The following DNAL4 variants were observed in gnomAD, a reference collection of about 807,000 sequenced individuals.
DNAL4 encodes the protein dynein light chain, outer arm 4.
DNAL4 carries 10 observed loss-of-function variants against 12.6 expected under a neutral mutation model. That is an observed-to-expected ratio of 0.79 (90% CI 0.49 to 1.34). The LOEUF (loss-of-function observed/expected upper bound fraction) is 1.34. Among genes scored for constraint, DNAL4 ranks in the 40% most tolerant of loss-of-function variants. The probability of loss-of-function intolerance (pLI) is 0.00; values close to 1 mark genes in which losing one functional copy is unlikely to be tolerated. For synonymous variants in DNAL4, 46 were observed against 53.1 expected (o/e 0.87, Z 0.58); for missense variants, 128 against 138.1 (o/e 0.93, Z 0.37).
chr22:38,792,232 T>C (rs2093051780), intron 1 of DNAL4, among the ~76,000 whole-genome samples: 1 of 152,006 alleles, frequency 6.6e-6, no homozygotes. Context: ...TTTCTTTCTT[T>C]ATATCTTTAT....
intron 1 of DNAL4, among the ~76,000 whole-genome samples, chr22:38,783,426 T>C (rs532427350): frequency 6.8e-6 from 1 of 147,926 alleles, no homozygotes; most frequent in Non-Finnish European, 1.5e-5. Context: ...CCTTCCCTCC[T>C]GCTACACACA....
At position 38,780,988 on chromosome 22, in the gene DNAL4, T is replaced by C. The variant is rs755396304; in HGVS notation, c.91A>G (p.Met31Val). Residue 31 changes from methionine to valine, a missense_variant, in exon 3 of 4, where the codon ATG (methionine) becomes GTG (valine). By Grantham distance (21) the Met-to-Val change is conservative (BLOSUM62 1). Coordinates refer to ENST00000216068, the MANE Select transcript of DNAL4 (RefSeq NM_005740.3). ...CATAGCTCCATGGTCTCCACGCGCA[T>C]CTCCTCTGGCATGTCCGAGTGCTAG... ...LVRHSDMPEE[M>V]RVETMELCVT... The C allele has an allele frequency of 3.8e-5, 61 of 1,613,978 alleles. 1 individual carries two copies. In the East Asian group the frequency reaches 1.3e-3, roughly 35 times the overall value.
chr22:38,782,550 G>T lies in DNAL4; in HGVS notation c.69+113C>A. The stretch of plus-strand genomic sequence containing the variant: ...CAAGATGTCTAGGTCTGAGCCAGCA[G>T]AGCCCTTCTTAACTTCCTCCCACTG... On this transcript the variant is annotated intron_variant, in intron 2 of 3. Coordinates refer to ENST00000216068, the MANE Select transcript of DNAL4 (RefSeq NM_005740.3). This position sits in a 1 kb window ranked among gnomAD's most constrained non-coding sequence, Gnocchi z 5.1. 1 of 1,015,114 alleles carries T rather than the reference G, an allele frequency of 9.9e-7. No homozygotes were observed. The highest frequency in any genetic ancestry group is 1.5e-6 in the Non-Finnish European group (1 of 673,604). 62.9% of individuals were successfully genotyped at this position (1,015,114 alleles called of 1,614,324 possible).
intron 1 of DNAL4, among the ~76,000 whole-genome samples, chr22:38,783,876 C>G (rs576826737): frequency 1.3e-5 from 2 of 152,262 alleles, no homozygotes; most frequent in African/African-American, 4.8e-5. Flanking sequence ...ACTAAAGAGA[C>G]GGGCCTGGAC....
intron 1 of DNAL4, among the ~76,000 whole-genome samples, chr22:38,793,697 C>G (rs2093054341): frequency 6.6e-6 from 1 of 152,116 alleles, no homozygotes; most frequent in Admixed American, 6.6e-5. Flanking sequence ...AAGCCAAGAG[C>G]GGTCTGACCT....
intron 1 of DNAL4, among the ~76,000 whole-genome samples, chr22:38,784,975 AC>A (rs34429714): frequency 0.16 from 17,624 of 112,070 alleles, 2,476 homozygotes; most frequent in African/African-American, 0.4. Context: ...CCTGGCACAG[AC>A]CCCCCCCCCC....
At chr22:38,792,426 G>GCACC (rs2093052229) in intron 1 of DNAL4, among the ~76,000 whole-genome samples, 1 of 152,098 alleles carries the variant, frequency 6.6e-6, no homozygotes. Context: ...GGGATTACAG[G>GCACC]TGCCCGCTAC....
At chr22:38,792,357 A>G (rs2093052044) in intron 1 of DNAL4, among the ~76,000 whole-genome samples, 1 of 151,224 alleles carries the variant, frequency 6.6e-6, no homozygotes. Context: ...ATCTCGGCGC[A>G]CTGAAACCTC....
At chr22:38,785,634 A>G (rs2093041169) in intron 1 of DNAL4, 1 of 152,290 alleles carries the variant, frequency 6.6e-6, no homozygotes, top group African/African-American at 2.4e-5. Context: ...CATCTTGCAG[A>G]GCTAAGAACT....
At chr22:38,790,204 AGGT>A (rs772859573) in intron 1 of DNAL4, among the ~76,000 whole-genome samples, 24 of 152,184 alleles carry the variant, frequency 1.6e-4, no homozygotes, top group Non-Finnish European at 3.4e-4. Context: ...GGAGGTCTCT[AGGT>A]GGCTGGTGAC....
chr22:38,790,174 T>C (rs1488479793), intron 1 of DNAL4, among the ~76,000 whole-genome samples: 1 of 152,072 alleles, frequency 6.6e-6, no homozygotes, highest in East Asian at 1.9e-4. Flanking sequence ...ATCTTTTTCA[T>C]AGTGAATGGG....
chr22:38,792,506 C>T (rs2093052432), intron 1 of DNAL4, among the ~76,000 whole-genome samples: 1 of 152,254 alleles, frequency 6.6e-6, no homozygotes, highest in South Asian at 2.1e-4. Context: ...TAGTCTCAAA[C>T]TCTTGACCTC....
intron 3 of DNAL4, 155 bp downstream of exon 3, chr22:38,780,769 TCA>T: frequency 2.8e-6 from 2 of 707,896 alleles, no homozygotes; most frequent in Non-Finnish European, 2.4e-6. Flanking sequence ...CGCCAGCCTC[TCA>T]CTCACTGACT....
intron 2 of DNAL4, 130 bp from the exon 3 acceptor site, chr22:38,781,139 T>G: frequency 1.1e-6 from 1 of 949,968 alleles, no homozygotes; most frequent in South Asian, 1.4e-5. Flanking sequence ...CCTGGGCAGG[T>G]GACCCATCTC....
At chr22:38,793,398 A>G (rs1176342311) in intron 1 of DNAL4, among the ~76,000 whole-genome samples, 1 of 152,218 alleles carries the variant, frequency 6.6e-6, no homozygotes, top group Non-Finnish European at 1.5e-5. Flanking sequence ...GCACCGACGT[A>G]TACTGATTTT....
chr22:38,787,621 CCTT>C (rs2093044502), intron 1 of DNAL4, among the ~76,000 whole-genome samples: 1 of 152,182 alleles, frequency 6.6e-6, no homozygotes, highest in Admixed American at 6.5e-5. Flanking sequence ...ACTGCGATAT[CCTT>C]CTTCATAGAC....
chr22:38,792,135 A>C (rs1268553250), intron 1 of DNAL4, among the ~76,000 whole-genome samples: 1 of 152,106 alleles, frequency 6.6e-6, no homozygotes, highest in African/African-American at 2.4e-5. Flanking sequence ...TTACTTTGTA[A>C]AAGTTTTGAT....
intron 1 of DNAL4, among the ~76,000 whole-genome samples, chr22:38,787,695 T>C (rs992395201): frequency 6.6e-6 from 1 of 152,230 alleles, no homozygotes; most frequent in Admixed American, 6.5e-5. Context: ...GTTCCCACTA[T>C]GTGCAAACCA....
rs192988402 is a variant in DNAL4, at chr22:38,786,621, C to T, written c.-139-3751G>A. ...GTGCCCACCGCCAGGGTACTTGAAT[C>T]TCCTGGGTACAGAAGCTCGACTCCA... On this transcript the variant is annotated intron_variant, in intron 1 of 3. Coordinates refer to ENST00000216068, the MANE Select transcript of DNAL4 (RefSeq NM_005740.3). Among the ~76,000 whole-genome samples the T allele has an allele frequency of 3.9e-5, 6 of 152,314 alleles. No individual in the cohort carries two copies. The East Asian group carries it at 1.2e-3, about 29-fold the overall frequency.
Sources: allele counts gnomAD v4.1 joint callset (sites outside exome capture counted in the v4.1 genomes callset), GRCh38; gene constraint gnomAD v4.1.1; non-coding constraint Gnocchi (gnomAD v3.1); transcripts MANE v1.5; gene names NCBI Gene and HGNC (gene_info 2026-07-23, HGNC 2026-07-21).